The following HDAC9 variants were observed in gnomAD, a reference collection of about 807,000 sequenced individuals.
HDAC9 encodes the protein histone deacetylase 9.
In HDAC9, 41 loss-of-function variants were observed where a neutral mutation model predicts 139.4. The observed-to-expected ratio is 0.29, with a 90% confidence interval of 0.23 to 0.38. The LOEUF is 0.38. Among genes scored for constraint, HDAC9 ranks in the 10% least tolerant of loss-of-function variants. HDAC9 has a pLI of 1.00. For missense variants in HDAC9, 1,147 were observed against 1,297.0 expected, an observed-to-expected ratio of 0.88 and a Z score of 1.78; for synonymous variants, 517 against 476.2, an observed-to-expected ratio of 1.09 and a Z score of -1.12.
At position 18,767,225 on chromosome 7, in the gene HDAC9, T is replaced by G. The variant is rs1015383566; in HGVS notation, c.2214+70T>G. 1.5e-5 allele frequency: 13 copies of G among 890,112 alleles called. No individual in the cohort carries two copies. The African/African-American group carries it at 1.7e-4, about 12-fold the overall frequency. 55.1% of individuals were successfully genotyped at this position (890,112 alleles called of 1,614,324 possible). On this transcript the variant is annotated intron_variant, in intron 16 of 25. Coordinates refer to ENST00000686413, the MANE Select transcript of HDAC9 (RefSeq NM_178425.4). Reference sequence around the variant, plus strand: ...AAAAAAAAATCTTTTTTGATTTATCTATTCAGTTTTAGGGTTATTTCTCAG... The same window carrying G: ...AAAAAAAAATCTTTTTTGATTTATCGATTCAGTTTTAGGGTTATTTCTCAG...
intron 2 of HDAC9, among the ~76,000 whole-genome samples, chr7:18,164,381 T>G (rs1787860356): frequency 6.6e-6 from 1 of 152,352 alleles, no homozygotes; most frequent in Non-Finnish European, 1.5e-5. Context: ...GATTGTTTGA[T>G]TTAGAAAAAA....
chr7:18,116,199 T>G (rs1454527133), intron 1 of HDAC9, among the ~76,000 whole-genome samples: 1 of 152,220 alleles, frequency 6.6e-6, no homozygotes, highest in Non-Finnish European at 1.5e-5. Context: ...TAATTTAGAT[T>G]AGTTCATTTT....
chr7:18,286,813 A>T (rs940093586), upstream of HDAC9, among the ~76,000 whole-genome samples: 4 of 152,168 alleles, frequency 2.6e-5, no homozygotes, highest in Non-Finnish European at 5.9e-5. Context: ...ATTATTGCTC[A>T]TAGGAAAGTT....
chr7:18,096,790 T>G (rs984278930), intron 1 of HDAC9, among the ~76,000 whole-genome samples: 3 of 152,180 alleles, frequency 2.0e-5, no homozygotes, highest in African/African-American at 7.2e-5. Context: ...TATTTTGTTT[T>G]AATCTGTGGT....
At chr7:18,324,433 A>G (rs1430458999) in intron 1 of HDAC9, among the ~76,000 whole-genome samples, 2 of 152,196 alleles carry the variant, frequency 1.3e-5, no homozygotes, top group African/African-American at 4.8e-5. Flanking sequence ...GGATGTAAGA[A>G]TTATCAACTG....
At chr7:18,514,745 T>C (rs1282471152) in intron 2 of HDAC9, among the ~76,000 whole-genome samples, 1 of 152,002 alleles carries the variant, frequency 6.6e-6, no homozygotes, top group Non-Finnish European at 1.5e-5. Context: ...TTTGAGACTA[T>C]CCAGGGCAAC....
At chr7:18,433,375 A>G (rs1790862571) in intron 1 of HDAC9, among the ~76,000 whole-genome samples, 2 of 152,120 alleles carry the variant, frequency 1.3e-5, no homozygotes, top group South Asian at 4.1e-4. Context: ...TTGACATACT[A>G]CTGGAAGTCC....
intron 16 of HDAC9, among the ~76,000 whole-genome samples, chr7:18,787,862 T>C (rs897659958): frequency 6.6e-6 from 1 of 152,232 alleles, no homozygotes; most frequent in African/African-American, 2.4e-5. Flanking sequence ...TAATTAATAA[T>C]CTATCAGCCT....
At position 18,652,684 on chromosome 7, in the gene HDAC9, T is replaced by C. The variant is rs139216154; in HGVS notation, c.1467+4001T>C. The stretch of plus-strand genomic sequence containing the variant: ...TTGCACTGATTCATGCCTAGCAGTT[T>C]CTATTTTAACTAGAATATTAATATC... On this transcript the variant is annotated intron_variant, in intron 11 of 25. Coordinates refer to ENST00000686413, the MANE Select transcript of HDAC9 (RefSeq NM_178425.4). Among the ~76,000 whole-genome samples, 254 of 152,294 alleles carry C rather than the reference T, an allele frequency of 1.7e-3. 1 individual carries two copies. Among genetic ancestry groups the C allele is most frequent in the African/African-American group, 6.0e-3 (248 of 41,580 alleles).
chr7:18,825,209 G>A (rs1795328447), intron 17 of HDAC9, among the ~76,000 whole-genome samples: 1 of 152,218 alleles, frequency 6.6e-6, no homozygotes, highest in Admixed American at 6.5e-5. Flanking sequence ...TATGAGATGG[G>A]TGATGGCTGA....
At chr7:18,652,151 C>G (rs926897332) in intron 11 of HDAC9, among the ~76,000 whole-genome samples, 1 of 152,024 alleles carries the variant, frequency 6.6e-6, no homozygotes, top group Non-Finnish European at 1.5e-5. Context: ...ATTGCACATT[C>G]ATTTATATCA....
chr7:18,251,526 G>T (rs1794917144), intron 2 of HDAC9, among the ~76,000 whole-genome samples: 1 of 152,056 alleles, frequency 6.6e-6, no homozygotes, highest in Non-Finnish European at 1.5e-5. Flanking sequence ...TATAAATATT[G>T]AAGGAAAAAA....
In HDAC9 at chr7:18,666,441, A is replaced by T. The variant is rs367573883; in HGVS notation, c.1696A>T (p.Met566Leu). 6.2e-7 allele frequency: 1 copy of T among 1,611,872 alleles called. No homozygotes were observed. Among genetic ancestry groups the T allele is most frequent in the Non-Finnish European group, 8.5e-7 (1 of 1,178,828 alleles). Reference protein sequence around the residue: ...DSDEDAQIQEMESGEQAAFMQ... With the variant: ...DSDEDAQIQELESGEQAAFMQ... ...TGATGAAGATGCTCAGATCCAGGAAATGGAATCTGGGGAGCAGGCTGCTTT... is the reference window on the plus strand; with the variant it reads ...TGATGAAGATGCTCAGATCCAGGAATTGGAATCTGGGGAGCAGGCTGCTTT... The change falls in exon 12 of 26, where the codon ATG (methionine) becomes TTG (leucine). Residue 566 changes from methionine to leucine, a missense_variant. By Grantham distance (15) the Met-to-Leu change is conservative. Coordinates refer to ENST00000686413, the MANE Select transcript of HDAC9 (RefSeq NM_178425.4).
intron 2 of HDAC9, among the ~76,000 whole-genome samples, chr7:18,241,681 A>G (rs1164839374): frequency 6.6e-6 from 1 of 152,214 alleles, no homozygotes; most frequent in Non-Finnish European, 1.5e-5. Context: ...CACTTGGCTC[A>G]ACCATGCCTG....
upstream of HDAC9, among the ~76,000 whole-genome samples, chr7:18,289,207 C>G (rs750585719): frequency 1.3e-5 from 2 of 152,136 alleles, no homozygotes; most frequent in Admixed American, 6.6e-5. Context: ...TCAAGAGAAA[C>G]TATTGGAGAG....
chr7:18,380,276 T>C (rs1202656971), intron 1 of HDAC9, among the ~76,000 whole-genome samples: 1 of 152,130 alleles, frequency 6.6e-6, no homozygotes, highest in African/African-American at 2.4e-5. Flanking sequence ...TTATAGAATA[T>C]AAGACAAAAA....
intron 11 of HDAC9, among the ~76,000 whole-genome samples, chr7:18,654,331 G>T (rs1790358513): frequency 6.6e-6 from 1 of 151,956 alleles, no homozygotes; most frequent in South Asian, 2.1e-4. Context: ...CTTGTTTTAG[G>T]CACTGTGCAT....
chr7:18,136,343 A>G (rs1159088489), intron 1 of HDAC9, among the ~76,000 whole-genome samples: 1 of 152,046 alleles, frequency 6.6e-6, no homozygotes, highest in African/African-American at 2.4e-5. Context: ...CTTTGTTGCC[A>G]TTGCTTTTGG....
intron 1 of HDAC9, among the ~76,000 whole-genome samples, chr7:18,324,772 C>T (rs900483183): frequency 6.6e-6 from 1 of 152,080 alleles, no homozygotes; most frequent in African/African-American, 2.4e-5. Context: ...TAGCTCTTGC[C>T]TTTGTGGTGC....
Sources: gnomAD v4.1 joint callset for allele counts (sites outside exome capture counted in the v4.1 genomes callset) on GRCh38, gnomAD v4.1.1 for gene constraint, MANE v1.5 for transcripts, NCBI Gene and HGNC (gene_info 2026-07-23, HGNC 2026-07-21) for gene names.